AUH: variants seen among roughly 807,000 people sequenced by gnomAD.
AUH encodes methylglutaconyl-CoA hydratase, mitochondrial.
Under a neutral mutation model 42.3 loss-of-function variants are expected in AUH, and 29 were observed. The ratio of observed to expected loss-of-function variants is 0.69; its 90% CI spans 0.51 to 0.93. The LOEUF is 0.93. Ranked by LOEUF, AUH falls within the 40% of genes least tolerant of loss-of-function variation. The pLI is 0.00. For missense variants in AUH, 452 were observed against 438.1 expected (o/e 1.03, Z -0.28); for synonymous variants, 174 against 166.4 (o/e 1.05, Z -0.35).
At chr9:91,283,560 A>T (rs1323652953) in intron 6 of AUH, among the ~76,000 whole-genome samples, 1 of 152,124 alleles carries the variant, frequency 6.6e-6, no homozygotes, top group African/African-American at 2.4e-5. Flanking sequence ...TATTTAGAAA[A>T]CCCCATTGTC....
chr9:91,235,668 C>T (rs1328343711), intron 6 of AUH, among the ~76,000 whole-genome samples: 2 of 152,200 alleles, frequency 1.3e-5, no homozygotes, highest in African/African-American at 2.4e-5. Flanking sequence ...TGTTCAGCTG[C>T]TCAGGTGCAG....
chr9:91,315,219 A>T (rs1829061572), intron 4 of AUH, among the ~76,000 whole-genome samples: 1 of 152,206 alleles, frequency 6.6e-6, no homozygotes. Context: ...GATTACAGGC[A>T]TGAGCCACCG....
At chr9:91,296,122 T>C (rs1363663634) in intron 5 of AUH, 45 bp from the exon 6 acceptor site, 1 of 1,575,490 alleles carries the variant, frequency 6.3e-7, no homozygotes, top group Non-Finnish European at 8.7e-7. Context: ...TATCATCACA[T>C]TCAAATATGA....
chr9:91,314,053 A>G (rs921430887), intron 4 of AUH, among the ~76,000 whole-genome samples: 7 of 151,914 alleles, frequency 4.6e-5, no homozygotes, highest in Admixed American at 4.6e-4. Context: ...CAAACTTCTG[A>G]CCTCAGGTGA....
rs549333112 is a variant in AUH at position 91,333,241 on chromosome 9, C to A, written c.419-7837G>T. On this transcript the variant is annotated intron_variant, in intron 3 of 9. Coordinates refer to ENST00000375731, the MANE Select transcript of AUH (RefSeq NM_001698.3). ...CTCAATATAAAAAATGTTACATTATCTCCTTTCTTCATTAACTGGTATTTT... is the reference window on the plus strand; with the variant it reads ...CTCAATATAAAAAATGTTACATTATATCCTTTCTTCATTAACTGGTATTTT... 3.3e-5 allele frequency among the ~76,000 whole-genome samples: 5 copies of A among 152,202 alleles called. 1 individual carries two copies. The highest frequency in any genetic ancestry group is 9.6e-5 in the African/African-American group (4 of 41,526).
At chr9:91,304,712 G>T (rs943539327) in intron 4 of AUH, among the ~76,000 whole-genome samples, 1 of 152,182 alleles carries the variant, frequency 6.6e-6, no homozygotes, top group Non-Finnish European at 1.5e-5. Flanking sequence ...TAACAAATTA[G>T]CATTGTAGAA....
chr9:91,293,730 G>A (rs960268266), intron 6 of AUH, among the ~76,000 whole-genome samples: 3 of 152,198 alleles, frequency 2.0e-5, no homozygotes, highest in African/African-American at 7.2e-5. Flanking sequence ...AGAAGATCTA[G>A]CTAAGATCAC....
At chr9:91,333,497 ATAACTAT>A (rs1830482666) in intron 3 of AUH, among the ~76,000 whole-genome samples, 1 of 152,338 alleles carries the variant, frequency 6.6e-6, no homozygotes, top group Admixed American at 6.5e-5. Flanking sequence ...TTCAAATTTG[ATAACTAT>A]TAAATACTAA....
chr9:91,225,807 G>T (rs923082211), intron 6 of AUH, among the ~76,000 whole-genome samples: 1 of 151,272 alleles, frequency 6.6e-6, no homozygotes, highest in African/African-American at 2.4e-5. Flanking sequence ...GCGGTGTTTG[G>T]TTTTTTGTTC....
Position 91,293,399 on chromosome 9 carries a change from G to A in AUH, c.655+2622C>T, listed in dbSNP as rs575604411. Among the ~76,000 whole-genome samples, 6 of 152,312 alleles carry A rather than the reference G, an allele frequency of 3.9e-5. No homozygotes were observed. In the East Asian group the frequency reaches 1.2e-3, roughly 29 times the overall value. On this transcript the variant is annotated intron_variant, in intron 6 of 9. Coordinates refer to ENST00000375731, the MANE Select transcript of AUH (RefSeq NM_001698.3). ...AGGTAATTAGAAGTGCTACTCCAGTGAACACAGGAATAAGAAGAAAGCAGA... is the reference window on the plus strand; with the variant it reads ...AGGTAATTAGAAGTGCTACTCCAGTAAACACAGGAATAAGAAGAAAGCAGA...
intron 6 of AUH, among the ~76,000 whole-genome samples, chr9:91,237,858 C>A (rs1252221064): frequency 6.6e-6 from 1 of 152,142 alleles, no homozygotes; most frequent in African/African-American, 2.4e-5. Context: ...AACGCTTTTG[C>A]TCACATCATG....
intron 6 of AUH, among the ~76,000 whole-genome samples, chr9:91,225,486 A>G (rs1186557484): frequency 6.6e-6 from 1 of 152,210 alleles, no homozygotes. Flanking sequence ...TAGATGATAT[A>G]ATCTGCTAGT....
At chr9:91,246,658 TA>T (rs1828812275) in intron 6 of AUH, among the ~76,000 whole-genome samples, 1 of 152,246 alleles carries the variant, frequency 6.6e-6, no homozygotes, top group African/African-American at 2.4e-5. Flanking sequence ...GGAATAAGGC[TA>T]AAGTCAGAAA....
At chr9:91,232,607 C>T (rs1827951772) in intron 6 of AUH, among the ~76,000 whole-genome samples, 1 of 152,210 alleles carries the variant, frequency 6.6e-6, no homozygotes, top group Admixed American at 6.5e-5. Flanking sequence ...ATGTCCAGAT[C>T]AGCAAGCAGA....
intron 3 of AUH, among the ~76,000 whole-genome samples, chr9:91,346,013 A>G (rs1368742985): frequency 6.6e-6 from 1 of 152,068 alleles, no homozygotes. Flanking sequence ...CTGTGTATAA[A>G]AAAAATACTT....
rs1832565585 is a variant in AUH, at chr9:91,358,014, G to A, written c.263-1859C>T. ...ATCATACCAGAAGTAGACAGGGGTG[G>A]GAGCTTCAAGACACAATTCGAGTCC... On this transcript the variant is annotated intron_variant, in intron 1 of 9. Coordinates refer to ENST00000375731, the MANE Select transcript of AUH (RefSeq NM_001698.3). 2.0e-5 allele frequency among the ~76,000 whole-genome samples: 3 copies of A among 152,304 alleles called. No individual in the cohort carries two copies. In the South Asian group the frequency reaches 6.2e-4, roughly 32 times the overall value.
At chr9:91,324,426 C>T (rs1829816001) in intron 4 of AUH, among the ~76,000 whole-genome samples, 1 of 151,312 alleles carries the variant, frequency 6.6e-6, no homozygotes, top group South Asian at 2.1e-4. Flanking sequence ...TCTCTTGAGC[C>T]CAGGAGTTGG....
chr9:91,345,103 T>G (rs1278224407), intron 3 of AUH, among the ~76,000 whole-genome samples: 1 of 151,860 alleles, frequency 6.6e-6, no homozygotes, highest in Non-Finnish European at 1.5e-5. Flanking sequence ...AACATCATAC[T>G]TAGTAGTAAA....
At chr9:91,224,214 C>T (rs548877690) in intron 6 of AUH, among the ~76,000 whole-genome samples, 22 of 152,256 alleles carry the variant, frequency 1.4e-4, no homozygotes, top group Admixed American at 5.2e-4. Context: ...TCATGCTGAG[C>T]GCCTAAGTTT....
Sources: gnomAD v4.1 joint callset for allele counts (sites outside exome capture counted in the v4.1 genomes callset) on GRCh38, gnomAD v4.1.1 for gene constraint, MANE v1.5 for transcripts, NCBI Gene and HGNC (gene_info 2026-07-23, HGNC 2026-07-21) for gene names.